Variants in PDHX observed in about 807,000 individuals in gnomAD.
PDHX encodes pyruvate dehydrogenase complex component X.
PDHX carries 33 observed loss-of-function variants against 55.3 expected under a neutral mutation model. That is an observed-to-expected ratio of 0.60 (90% CI 0.45 to 0.80). The LOEUF (loss-of-function observed/expected upper bound fraction) is 0.80, where lower values mean the gene tolerates loss of function less well. Among genes scored for constraint, PDHX ranks in the 30% least tolerant of loss-of-function variants. The probability of loss-of-function intolerance (pLI) is 0.00; values close to 1 mark genes in which losing one functional copy is unlikely to be tolerated. For missense variants in PDHX, 622 were observed against 619.9 expected, an observed-to-expected ratio of 1.00 and a Z score of -0.04; for synonymous variants, 226 against 219.4, an observed-to-expected ratio of 1.03 and a Z score of -0.27.
At chr11:34,932,517 A>G (rs1252284036) in intron 2 of PDHX, among the ~76,000 whole-genome samples, 1 of 152,218 alleles carries the variant, frequency 6.6e-6, no homozygotes, top group South Asian at 2.1e-4. Flanking sequence ...ATACGCAGAC[A>G]CTTTACTGAA....
At chr11:34,958,297 G>C (rs776573283) in intron 4 of PDHX, among the ~76,000 whole-genome samples, 30 of 151,146 alleles carry the variant, frequency 2.0e-4, no homozygotes, top group Admixed American at 4.0e-4. Flanking sequence ...GCTTTTTTTA[G>C]GGGGGGGCGT....
intron 9 of PDHX, chr11:34,984,990 A>G (rs554081714): frequency 4.7e-5 from 18 of 383,460 alleles, no homozygotes; most frequent in African/African-American, 3.5e-4. Context: ...GCTAAAGACA[A>G]GCTTTATTTT....
At chr11:34,990,689 T>C (rs953763683) in intron 9 of PDHX, among the ~76,000 whole-genome samples, 19 of 152,214 alleles carry the variant, frequency 1.2e-4, no homozygotes, top group African/African-American at 4.6e-4. Context: ...TTCCAAGAAC[T>C]GTATAAGTCA....
intron 2 of PDHX, among the ~76,000 whole-genome samples, chr11:34,937,053 G>C (rs563777640): frequency 3.9e-5 from 6 of 152,090 alleles, no homozygotes; most frequent in African/African-American, 1.4e-4. Context: ...CAAAGTGCCG[G>C]GATTATAGGC....
intron 3 of PDHX, among the ~76,000 whole-genome samples, chr11:34,956,800 A>G (rs1025977500): frequency 1.3e-5 from 2 of 152,168 alleles, no homozygotes; most frequent in Non-Finnish European, 2.9e-5. Flanking sequence ...AAATAGATAT[A>G]CAGGGAAATA....
At chr11:34,918,369 A>G (rs1853792197) in intron 1 of PDHX, among the ~76,000 whole-genome samples, 1 of 151,804 alleles carries the variant, frequency 6.6e-6, no homozygotes, top group Non-Finnish European at 1.5e-5. Context: ...CCCAGGAGTT[A>G]GACGTTTCAT....
intron 4 of PDHX, among the ~76,000 whole-genome samples, chr11:34,958,836 C>T (rs1854960314): frequency 6.6e-6 from 1 of 152,074 alleles, no homozygotes. Context: ...GGTTAAAAAC[C>T]TACTGACCTG....
intron 2 of PDHX, among the ~76,000 whole-genome samples, chr11:34,942,918 A>G (rs779720901): frequency 2.0e-5 from 3 of 152,138 alleles, no homozygotes; most frequent in Non-Finnish European, 4.4e-5. Context: ...GAATAGATAT[A>G]GTTTTTTAAA....
intron 9 of PDHX, among the ~76,000 whole-genome samples, chr11:34,991,313 T>C (rs1240048589): frequency 6.6e-6 from 1 of 152,166 alleles, no homozygotes; most frequent in Non-Finnish European, 1.5e-5. Flanking sequence ...ATTCCACTTC[T>C]GAAAATTTAC....
chr11:34,958,872 C>T (rs1854961196), intron 4 of PDHX, among the ~76,000 whole-genome samples: 1 of 151,892 alleles, frequency 6.6e-6, no homozygotes, highest in Non-Finnish European at 1.5e-5. Flanking sequence ...GTTGGGCACA[C>T]AGTGAATGAA....
At position 34,931,657 on chromosome 11, in the gene PDHX, G is replaced by A. The variant is rs77452052; in HGVS notation, c.241+173G>A. ...AATAAAATTTTCCCATGATAAAGCA[G>A]CAAAGGTTTTCTGGGTTCAGCATAT... On this transcript the variant is annotated intron_variant, in intron 2 of 10. Coordinates refer to ENST00000227868, the MANE Select transcript of PDHX (RefSeq NM_003477.3). 4.2e-3 allele frequency among the ~76,000 whole-genome samples: 632 copies of A among 151,908 alleles called. 6 individuals carry two copies. The highest frequency in any genetic ancestry group is 0.015 in the African/African-American group (610 of 41,406).
At chr11:34,936,487 G>A (rs1030608180) in intron 2 of PDHX, among the ~76,000 whole-genome samples, 1 of 152,146 alleles carries the variant, frequency 6.6e-6, no homozygotes. Flanking sequence ...TTGCAGATGA[G>A]GTAGTATTTG....
intron 4 of PDHX, among the ~76,000 whole-genome samples, chr11:34,960,189 A>G (rs1163044953): frequency 6.6e-6 from 1 of 152,258 alleles, no homozygotes; most frequent in African/African-American, 2.4e-5. Context: ...ATTAATATTT[A>G]TTCTTATTAA....
intron 2 of PDHX, among the ~76,000 whole-genome samples, chr11:34,937,442 C>CTTT (rs36061427): frequency 0.017 from 2,286 of 134,536 alleles, 68 homozygotes; most frequent in African/African-American, 0.049. Flanking sequence ...GAGTTGCTGA[C>CTTT]TTTTTTTTTT....
chr11:34,960,342 A>G (rs1854996595), intron 4 of PDHX, 78 bp from the exon 5 acceptor site: 2 of 945,958 alleles, frequency 2.1e-6, no homozygotes, highest in East Asian at 5.1e-5. Context: ...ATTATTTGCG[A>G]AACTGTTGAC....
intron 3 of PDHX, among the ~76,000 whole-genome samples, chr11:34,952,637 A>G (rs1334580772): frequency 6.6e-6 from 1 of 151,924 alleles, no homozygotes; most frequent in African/African-American, 2.4e-5. Flanking sequence ...ACAAAATTCA[A>G]CAACCCTTCA....
chr11:34,917,515 T>C (rs1184788245), intron 1 of PDHX, among the ~76,000 whole-genome samples: 1 of 152,162 alleles, frequency 6.6e-6, no homozygotes, highest in African/African-American at 2.4e-5. Flanking sequence ...CGGGTATTAT[T>C]TTTCCTTATT....
intron 4 of PDHX, 51 bp from the exon 5 acceptor site, chr11:34,960,369 A>G: frequency 8.5e-7 from 1 of 1,175,244 alleles, no homozygotes; most frequent in Non-Finnish European, 1.3e-6. Flanking sequence ...ATCTATTTGA[A>G]TCAAATGTAA....
intron 1 of PDHX, among the ~76,000 whole-genome samples, chr11:34,917,293 T>C (rs3818393): frequency 0.19 from 28,804 of 152,162 alleles, 3,896 homozygotes; most frequent in African/African-American, 0.39. Flanking sequence ...CCCCACGCCA[T>C]GACTCGTGGA....
Sources: allele counts gnomAD v4.1 joint callset (sites outside exome capture counted in the v4.1 genomes callset), GRCh38; gene constraint gnomAD v4.1.1; transcripts MANE v1.5; gene names NCBI Gene and HGNC (gene_info 2026-07-23, HGNC 2026-07-21).